Variants in MMP14 observed in about 807,000 individuals in gnomAD.
MMP14 encodes the protein matrix metalloproteinase-14.
MMP14 carries 13 observed loss-of-function variants against 64.8 expected under a neutral mutation model. The ratio of observed to expected loss-of-function variants is 0.20; its 90% CI spans 0.13 to 0.32. The LOEUF (loss-of-function observed/expected upper bound fraction) is 0.32. MMP14 is among the 10% of genes least tolerant of loss of function. The pLI is 1.00. For synonymous variants in MMP14, 322 were observed against 315.9 expected (o/e 1.02, Z -0.20); for missense variants, 594 against 783.8 (o/e 0.76, Z 2.89).
At position 22,843,334 on chromosome 14, in the gene MMP14, A is replaced by G. The variant is rs372126942; in HGVS notation, c.766A>G (p.Ile256Val). ...CGAGCATTCCAGTGACCCCTCGGCCATCATGGCACCCTTTTACCAGTGGAT... is the reference window on the plus strand; with the variant it reads ...CGAGCATTCCAGTGACCCCTCGGCCGTCATGGCACCCTTTTACCAGTGGAT... ...GLEHSSDPSAIMAPFYQWMDT... is the reference protein window; with the variant it reads ...GLEHSSDPSAVMAPFYQWMDT... The change falls in exon 5 of 10, where the codon ATC becomes GTC. Residue 256 changes from isoleucine to valine, a missense_variant. Transcript: ENST00000311852. The surrounding 1 kb of genome is among the most constrained non-coding windows in gnomAD (Gnocchi z 4.8). 1 of 1,614,036 alleles carries G rather than the reference A, an allele frequency of 6.2e-7. No homozygotes were observed.
At position 22,842,576 on chromosome 14, in the gene MMP14, G is replaced by A. The variant is rs757252435; in HGVS notation, c.547G>A (p.Glu183Lys). The change falls in exon 4 of 10, where the codon GAG (glutamate) becomes AAG (lysine). Residue 183 changes from glutamate to lysine, a missense_variant. Coordinates refer to ENST00000311852, the MANE Select transcript of MMP14 (RefSeq NM_004995.4). The surrounding 1 kb of genome is among the most constrained non-coding windows in gnomAD (Gnocchi z 5.3). ...KQADIMIFFA[E>K]GFHGDSTPFD... is the part of the protein sequence containing the mutation. Reference sequence around the variant, plus strand: ...GGCCGACATCATGATCTTCTTTGCCGAGGGCTTCCATGGCGACAGCACGCC... The same window carrying A: ...GGCCGACATCATGATCTTCTTTGCCAAGGGCTTCCATGGCGACAGCACGCC... The A allele has an allele frequency of 2.8e-5, 45 of 1,614,072 alleles. No homozygotes were observed. The highest frequency in any genetic ancestry group is 1.3e-4 in the East Asian group (6 of 44,886).
chr14:22,845,953 G>T lies in MMP14; in HGVS notation c.1663G>T (p.Val555Leu), dbSNP rs762245747. Reference sequence around the variant, plus strand: ...GCTGCTGCTGCTCCTGGTGCTGGCGGTGGGCCTTGCAGTCTTCTTCTTCAG... The same window carrying T: ...GCTGCTGCTGCTCCTGGTGCTGGCGTTGGGCCTTGCAGTCTTCTTCTTCAG... ...PVLLLLLVLA[V>L]GLAVFFFRRH... Residue 555 changes from valine (V) to leucine (L), a missense_variant, in exon 10 of 10, where the codon GTG becomes TTG. Transcript: ENST00000311852. The T allele has an allele frequency of 1.8e-5, 29 of 1,589,054 alleles. No homozygotes were observed. The South Asian group carries it at 3.1e-4, about 17-fold the overall frequency.
chr14:22,838,489 TC>T (rs1288080032), intron 1 of MMP14, among the ~76,000 whole-genome samples: 3 of 151,542 alleles, frequency 2.0e-5, no homozygotes, highest in Admixed American at 1.3e-4. Flanking sequence ...GAGCTGGAGG[TC>T]CCCCCACCCT....
At position 22,845,839 on chromosome 14, in the gene MMP14, G is replaced by A. The variant is rs779266784; in HGVS notation, c.1549G>A (p.Gly517Arg). ...GCPSGGRPDE[G>R]TEEETEVIII... ...CCCATCGGGAGGCCGGCCGGATGAG[G>A]GGACTGAGGAGGAGACGGAGGTGAT... The change falls in exon 10 of 10, where the codon GGG becomes AGG. Residue 517 changes from glycine (G) to arginine (R), a missense_variant. Gly to Arg is a moderately radical substitution (Grantham distance 125). Transcript: ENST00000311852. 8 of 1,614,202 alleles carry A rather than the reference G, an allele frequency of 5.0e-6. No homozygotes were observed. Among genetic ancestry groups the A allele is most frequent in the South Asian group, 2.2e-5 (2 of 91,086 alleles).
In MMP14 at chr14:22,842,122, C is replaced by A; in HGVS notation, c.380+87C>A. 6.5e-7 allele frequency: 1 copy of A among 1,540,348 alleles called. No individual in the cohort carries two copies. The highest frequency in any genetic ancestry group is 8.9e-7 in the Non-Finnish European group (1 of 1,124,486). On this transcript the variant is annotated intron_variant, in intron 3 of 9. Coordinates refer to ENST00000311852, the MANE Select transcript of MMP14 (RefSeq NM_004995.4). This position sits in a 1 kb window ranked among gnomAD's most constrained non-coding sequence, Gnocchi z 5.3. ...TATGCAGGGACTCAGAGACCCCCTG[C>A]CCCACTCCCCTCAGTTCCTGGGAAG... is the stretch of plus-strand genomic sequence containing the variant.
chr14:22,838,845 C>T (rs1566480441), intron 1 of MMP14, among the ~76,000 whole-genome samples: 1 of 152,180 alleles, frequency 6.6e-6, no homozygotes, highest in Non-Finnish European at 1.5e-5. Flanking sequence ...GAGAAACTTG[C>T]CTAGGCCTGG....
chr14:22,847,135 AG>A lies in MMP14; in HGVS notation c.*1100del. 6.5e-6 allele frequency: 1 copy of A among 152,744 alleles called. No individual in the cohort carries two copies. The highest frequency in any genetic ancestry group is 1.5e-5 in the Non-Finnish European group (1 of 68,318). The allele number at this position is 152,744 out of a possible 1,614,324, so 9.5% of individuals were successfully genotyped here. A position where few individuals can be genotyped will look rare whatever the true frequency, so the allele number is the denominator to read the frequency against. ...TGTCCTTGCTGCCCAGGCAGCGTGG[AG>A]GGGAAGGGTAGGGCAGCCAGAGAAA... On this transcript the variant is annotated 3_prime_UTR_variant, in exon 10 of 10. Coordinates refer to ENST00000311852, the MANE Select transcript of MMP14 (RefSeq NM_004995.4).
chr14:22,841,382 A>G, intron 1 of MMP14, 109 bp from the exon 2 acceptor site: 1 of 1,418,536 alleles, frequency 7.0e-7, no homozygotes, highest in Non-Finnish European at 9.6e-7. Flanking sequence ...CTGGGAACCC[A>G]CTGCCCTTTC....
rs1191162839 is a variant in MMP14, at chr14:22,841,787, C to G, written c.258-126C>G. On this transcript the variant is annotated intron_variant, in intron 2 of 9. Transcript: ENST00000311852. ...TGATCCTGACCCTCTCATATTCACCCTGACCTCATAACCTTGGCCTTTCCC... is the reference window on the plus strand; with the variant it reads ...TGATCCTGACCCTCTCATATTCACCGTGACCTCATAACCTTGGCCTTTCCC... 6.4e-6 allele frequency: 10 copies of G among 1,556,724 alleles called. No individual in the cohort carries two copies. In the Admixed American group the frequency reaches 1.7e-4, roughly 27 times the overall value.
At chr14:22,840,657 C>T (rs113290191) in intron 1 of MMP14, among the ~76,000 whole-genome samples, 9 of 152,128 alleles carry the variant, frequency 5.9e-5, no homozygotes, top group South Asian at 2.1e-4. Flanking sequence ...TACAAGCGCC[C>T]GCCACCGTGC....
chr14:22,841,983 A>C lies in MMP14; in HGVS notation c.328A>C (p.Lys110Gln). ...GAEIKANVRR[K>Q]RYAIQGLKWQ... ...TGAGATCAAGGCCAATGTTCGAAGG[A>C]AGCGCTACGCCATCCAGGGTCTCAA... The change falls in exon 3 of 10, where the codon AAG (lysine) becomes CAG (glutamine). Residue 110 changes from lysine to glutamine, a missense_variant. This residue lies in a region of MMP14 where 179 missense variants were observed against 283.4 expected (regional missense o/e 0.63). Transcript: ENST00000311852. 6.2e-7 allele frequency: 1 copy of C among 1,614,250 alleles called. No homozygotes were observed.
rs1258084767 is a variant in MMP14, at chr14:22,841,554, C to T, written c.172C>T (p.Pro58Ser). The T allele has an allele frequency of 6.2e-7, 1 of 1,614,038 alleles. No homozygotes were observed. Among genetic ancestry groups the T allele is most frequent in the Non-Finnish European group, 8.5e-7 (1 of 1,180,030 alleles). Residue 58 changes from proline (P) to serine (S), a missense_variant, in exon 2 of 10, where the codon CCC (proline) becomes TCC (serine). Pro to Ser is a moderately conservative substitution (Grantham distance 74, BLOSUM62 -1). Around this residue, in one of 4 missense-constraint regions of MMP14, gnomAD observed 179 missense variants for 283.4 expected, o/e 0.63. Transcript: ENST00000311852. ...GDLRTHTQRS[P>S]QSLSAAIAAM... ...CCTACGTACCCACACACAGCGCTCACCCCAGTCACTCTCAGCGGCCATCGC... is the reference window on the plus strand; with the variant it reads ...CCTACGTACCCACACACAGCGCTCATCCCAGTCACTCTCAGCGGCCATCGC...
At position 22,846,159 on chromosome 14, in the gene MMP14, G is replaced by A. The variant is rs2039812359; in HGVS notation, c.*120G>A. On this transcript the variant is annotated 3_prime_UTR_variant, in exon 10 of 10. Transcript: ENST00000311852. ...CGAGCCCCCTCCCCGCAGCCTCCTTGCTTCTCTCTGTCCCCTGGCTGGCCT... is the reference window on the plus strand; with the variant it reads ...CGAGCCCCCTCCCCGCAGCCTCCTTACTTCTCTCTGTCCCCTGGCTGGCCT... The A allele has an allele frequency of 5.1e-6, 5 of 984,426 alleles. No homozygotes were observed. The highest frequency in any genetic ancestry group is 7.2e-6 in the Non-Finnish European group (5 of 690,166). The allele number at this position is 984,426 out of a possible 1,614,324, so 61.0% of individuals were successfully genotyped here. A position where few individuals can be genotyped will look rare whatever the true frequency, so the allele number is the denominator to read the frequency against.
intron 9 of MMP14, 149 bp downstream of exon 9, chr14:22,845,515 G>A (rs1009473411): frequency 7.4e-5 from 62 of 839,758 alleles, no homozygotes; most frequent in African/African-American, 1.0e-4. Context: ...GCTTCCACAC[G>A]TGGTGCCCAT....
chr14:22,837,103 A>G (rs2138733164), intron 1 of MMP14, 178 bp downstream of exon 1: 1 of 696,894 alleles, frequency 1.4e-6, no homozygotes, highest in East Asian at 2.7e-5. Flanking sequence ...AGATCGATCC[A>G]ACTTTTGCCC....
chr14:22,844,552 C>A, intron 7 of MMP14, 43 bp downstream of exon 7: 1 of 1,613,688 alleles, frequency 6.2e-7, no homozygotes. Context: ...TGAGGCGGGT[C>A]TCCCTAGAGG....
At position 22,843,235 on chromosome 14, in the gene MMP14, G is replaced by A. The variant is rs114495590; in HGVS notation, c.689-22G>A. 371 of 1,601,532 alleles carry A rather than the reference G, an allele frequency of 2.3e-4. No individual in the cohort carries two copies. In the African/African-American group the frequency reaches 4.2e-3, roughly 18 times the overall value. On this transcript the variant is annotated intron_variant, in intron 4 of 9. Coordinates refer to ENST00000311852, the MANE Select transcript of MMP14 (RefSeq NM_004995.4). The surrounding 1 kb of genome is among the most constrained non-coding windows in gnomAD (Gnocchi z 4.8). ...GAGGGAAGGGACTCAGGCTGCTATC[G>A]TCACTGTCCCCATCCTTCCAGGAAA... is the stretch of plus-strand genomic sequence containing the variant.
chr14:22,837,402 G>C (rs1443805546), intron 1 of MMP14: 1 of 455,980 alleles, frequency 2.2e-6, no homozygotes, highest in Non-Finnish European at 4.4e-6. Flanking sequence ...GCCTCCCCGG[G>C]TGGCCCAGGC....
At chr14:22,841,795 A>G (rs1273587581) in intron 2 of MMP14, 118 bp from the exon 3 acceptor site, 8 of 1,562,344 alleles carry the variant, frequency 5.1e-6, no homozygotes, top group African/African-American at 1.4e-5. Context: ...CCCTGACCTC[A>G]TAACCTTGGC....
Sources: allele counts gnomAD v4.1 joint callset (sites outside exome capture counted in the v4.1 genomes callset), GRCh38; gene constraint gnomAD v4.1.1; regional missense constraint gnomAD v4.1.1; non-coding constraint Gnocchi (gnomAD v3.1); transcripts MANE v1.5; gene names NCBI Gene and HGNC (gene_info 2026-07-23, HGNC 2026-07-21).